The following PRKD1 variants were observed in gnomAD, a reference collection of about 807,000 sequenced individuals.
The protein encoded by PRKD1 is serine/threonine-protein kinase D1.
Under a neutral mutation model 95.9 loss-of-function variants are expected in PRKD1, and 63 were observed. The ratio of observed to expected loss-of-function variants is 0.66; its 90% CI spans 0.54 to 0.81. The LOEUF (loss-of-function observed/expected upper bound fraction) is 0.81. Among genes scored for constraint, PRKD1 ranks in the 30% least tolerant of loss-of-function variants. PRKD1 has a pLI of 0.00. For missense variants in PRKD1, 1,048 were observed against 1,165.3 expected (o/e 0.90, Z 1.47); for synonymous variants, 425 against 423.1 (o/e 1.00, Z -0.05).
At chr14:29,705,015 C>T (rs761682304) in intron 2 of PRKD1, among the ~76,000 whole-genome samples, 1 of 152,026 alleles carries the variant, frequency 6.6e-6, no homozygotes, top group Non-Finnish European at 1.5e-5. Flanking sequence ...GATTGCTCTG[C>T]CCTGACAAGA....
chr14:29,817,814 G>C (rs975106668), intron 1 of PRKD1, among the ~76,000 whole-genome samples: 14 of 151,900 alleles, frequency 9.2e-5, no homozygotes, highest in African/African-American at 3.4e-4. Flanking sequence ...ATCCAATAAA[G>C]AAAGAAAAGA....
chr14:29,691,361 T>C (rs889998131), intron 2 of PRKD1, among the ~76,000 whole-genome samples: 1 of 152,160 alleles, frequency 6.6e-6, no homozygotes, highest in Non-Finnish European at 1.5e-5. Context: ...CCTATAGAAA[T>C]TGATTATGTC....
intron 1 of PRKD1, among the ~76,000 whole-genome samples, chr14:29,782,688 T>C (rs1051594929): frequency 6.6e-6 from 1 of 152,066 alleles, no homozygotes; most frequent in African/African-American, 2.4e-5. Context: ...GTGCCACCAA[T>C]ACCACCATGC....
rs761855942 is a variant in PRKD1 at position 29,630,832 on chromosome 14, C to T, written c.1582G>A (p.Val528Met). ...ATGGCTATCTCCCACATCCTGGCCA[C>T]ATCTGCACCAACGCCACTGGTGAGA... ...SVLTSGVGAD[V>M]ARMWEIAIQH... Residue 528 changes from valine to methionine, a missense_variant, in exon 10 of 18, where the codon GTG becomes ATG. Coordinates refer to ENST00000331968, the MANE Select transcript of PRKD1 (RefSeq NM_002742.3). 2 of 1,614,138 alleles carry T rather than the reference C, an allele frequency of 1.2e-6. No homozygotes were observed. The highest frequency in any genetic ancestry group is 1.7e-6 in the Non-Finnish European group (2 of 1,179,998).
Position 29,728,612 on chromosome 14 carries a change from A to C in PRKD1, c.265-2938T>G, listed in dbSNP as rs12880296. On this transcript the variant is annotated intron_variant, in intron 1 of 17. Coordinates refer to ENST00000331968, the MANE Select transcript of PRKD1 (RefSeq NM_002742.3). Reference sequence around the variant, plus strand: ...TTCATACATACATTTGGGTTCTTTCACCTTTTATTACTTATTAGTATTTCA... The same window carrying C: ...TTCATACATACATTTGGGTTCTTTCCCCTTTTATTACTTATTAGTATTTCA... Among the ~76,000 whole-genome samples, 54 of 151,848 alleles carry C rather than the reference A, an allele frequency of 3.6e-4. 1 individual carries two copies. The highest frequency in any genetic ancestry group is 1.3e-3 in the African/African-American group (52 of 41,318).
intron 4 of PRKD1, among the ~76,000 whole-genome samples, chr14:29,658,150 T>C (rs1881997366): frequency 6.6e-6 from 1 of 152,146 alleles, no homozygotes; most frequent in Non-Finnish European, 1.5e-5. Flanking sequence ...AAAGTGTATA[T>C]TTTTCCTCCA....
intron 2 of PRKD1, among the ~76,000 whole-genome samples, chr14:29,698,740 C>A (rs187941339): frequency 6.6e-6 from 1 of 152,056 alleles, no homozygotes; most frequent in East Asian, 1.9e-4. Context: ...GTCTTGACAA[C>A]TGACTTAATC....
At chr14:29,734,138 G>C (rs1886602420) in intron 1 of PRKD1, among the ~76,000 whole-genome samples, 1 of 142,498 alleles carries the variant, frequency 7.0e-6, no homozygotes, top group South Asian at 2.3e-4. Flanking sequence ...CGCCTCCCAG[G>C]TTCAAGCAAT....
intron 1 of PRKD1, among the ~76,000 whole-genome samples, chr14:29,726,024 T>C (rs1886124561): frequency 6.6e-6 from 1 of 152,162 alleles, no homozygotes; most frequent in South Asian, 2.1e-4. Flanking sequence ...TTTACAGCAA[T>C]CCAGTAACAT....
intron 16 of PRKD1, among the ~76,000 whole-genome samples, chr14:29,580,841 A>G (rs1332791593): frequency 6.6e-6 from 1 of 152,080 alleles, no homozygotes; most frequent in Non-Finnish European, 1.5e-5. Context: ...TCATTCATTT[A>G]TCTGTTCATT....
At chr14:29,790,755 G>T (rs1889507530) in intron 1 of PRKD1, among the ~76,000 whole-genome samples, 2 of 152,222 alleles carry the variant, frequency 1.3e-5, no homozygotes, top group Admixed American at 6.5e-5. Context: ...TTCACTCACA[G>T]AACAAACAGT....
rs945927646 is a variant in PRKD1, at chr14:29,589,236, A to C, written c.2434+8255T>G. 4.6e-5 allele frequency among the ~76,000 whole-genome samples: 7 copies of C among 152,326 alleles called. No individual in the cohort carries two copies. The East Asian group carries it at 1.3e-3, about 29-fold the overall frequency. On this transcript the variant is annotated intron_variant, in intron 16 of 17. Coordinates refer to ENST00000331968, the MANE Select transcript of PRKD1 (RefSeq NM_002742.3). ...ACTATGACGCTAACAAATGCTTTCC[A>C]ATCCGTCGCTACAGGTCTGTCATCA...
At chr14:29,589,024 T>A (rs1893034948) in intron 16 of PRKD1, among the ~76,000 whole-genome samples, 2 of 152,058 alleles carry the variant, frequency 1.3e-5, no homozygotes, top group African/African-American at 4.8e-5. Flanking sequence ...GTGAGACAAT[T>A]TCCGAGGCTG....
At chr14:29,823,565 C>A (rs1469825163) in intron 1 of PRKD1, among the ~76,000 whole-genome samples, 1 of 152,156 alleles carries the variant, frequency 6.6e-6, no homozygotes, top group African/African-American at 2.4e-5. Flanking sequence ...ATTGCCACTT[C>A]TTTTGTGCTA....
At chr14:29,812,943 T>C (rs1036971001) in intron 1 of PRKD1, among the ~76,000 whole-genome samples, 2 of 152,128 alleles carry the variant, frequency 1.3e-5, no homozygotes, top group Non-Finnish European at 2.9e-5. Flanking sequence ...CCCTAGTCTC[T>C]ACTAAAAATA....
chr14:29,739,308 T>C (rs1566572324), intron 1 of PRKD1, among the ~76,000 whole-genome samples: 2 of 152,224 alleles, frequency 1.3e-5, no homozygotes. Context: ...TACTCCACTC[T>C]GTTTTTCTAA....
chr14:29,743,983 G>T (rs1201135567), intron 1 of PRKD1, among the ~76,000 whole-genome samples: 1 of 152,110 alleles, frequency 6.6e-6, no homozygotes, highest in Non-Finnish European at 1.5e-5. Context: ...TCTCTAGATA[G>T]GTGCTGGAGT....
chr14:29,789,880 T>C (rs1236978157), intron 1 of PRKD1, among the ~76,000 whole-genome samples: 2 of 152,212 alleles, frequency 1.3e-5, no homozygotes, highest in African/African-American at 4.8e-5. Flanking sequence ...GGCTCCCTGA[T>C]AGTGTATGCA....
intron 1 of PRKD1, among the ~76,000 whole-genome samples, chr14:29,729,580 A>G (rs1034396568): frequency 6.6e-6 from 1 of 151,754 alleles, no homozygotes; most frequent in East Asian, 1.9e-4. Flanking sequence ...CAATTTTATC[A>G]ATTTCTCTTG....
Sources: gnomAD v4.1 joint callset for allele counts (sites outside exome capture counted in the v4.1 genomes callset) on GRCh38, gnomAD v4.1.1 for gene constraint, MANE v1.5 for transcripts, NCBI Gene and HGNC (gene_info 2026-07-23, HGNC 2026-07-21) for gene names.